ERC2: variants seen among roughly 807,000 people sequenced by gnomAD.
ERC2 encodes ELKS/RAB6-interacting/CAST family member 2.
Under a neutral mutation model 114.8 loss-of-function variants are expected in ERC2, and 42 were observed. That is an observed-to-expected ratio of 0.37 (90% CI 0.29 to 0.47). The LOEUF (loss-of-function observed/expected upper bound fraction) is 0.47, where lower values mean the gene tolerates loss of function less well. Ranked by LOEUF, ERC2 falls within the 20% of genes least tolerant of loss-of-function variation. The probability of loss-of-function intolerance (pLI) is 0.99; values close to 1 mark genes in which losing one functional copy is unlikely to be tolerated. For missense variants in ERC2, 939 were observed against 1,150.7 expected (o/e 0.82, Z 2.66); for synonymous variants, 454 against 425.5 (o/e 1.07, Z -0.82).
intron 14 of ERC2, among the ~76,000 whole-genome samples, chr3:55,829,344 G>T (rs1384599444): frequency 1.3e-5 from 2 of 151,908 alleles, no homozygotes; most frequent in African/African-American, 2.4e-5. Context: ...GAAATAAAAA[G>T]AAAATATACA....
chr3:56,241,192 CAACAAGAAAA>C (rs2051298111), intron 3 of ERC2, among the ~76,000 whole-genome samples: 1 of 151,808 alleles, frequency 6.6e-6, no homozygotes, highest in African/African-American at 2.4e-5. Context: ...GAACTCAACT[CAACAAGAAAA>C]AACAAAAACC....
chr3:56,435,271 G>T, intron 1 of ERC2, 124 bp from the exon 2 acceptor site: 5 of 281,194 alleles, frequency 1.8e-5, no homozygotes, highest in African/African-American at 2.2e-5. Flanking sequence ...ATAATAGACA[G>T]ATAGAAAGAG....
intron 8 of ERC2, among the ~76,000 whole-genome samples, chr3:56,016,908 A>T (rs1415633999): frequency 1.3e-5 from 2 of 152,084 alleles, no homozygotes; most frequent in Non-Finnish European, 2.9e-5. Flanking sequence ...AATATAGGAG[A>T]TAATGCTATT....
intron 14 of ERC2, among the ~76,000 whole-genome samples, chr3:55,848,610 G>A (rs115054575): frequency 0.015 from 2,280 of 152,150 alleles, 51 homozygotes; most frequent in African/African-American, 0.052. Context: ...TGCTTGCTCC[G>A]AGGATGACTC....
At chr3:56,213,989 C>T (rs1291902451) in intron 3 of ERC2, among the ~76,000 whole-genome samples, 1 of 152,142 alleles carries the variant, frequency 6.6e-6, no homozygotes, top group African/African-American at 2.4e-5. Flanking sequence ...ACATCCACAC[C>T]AAAACCCCAT....
At chr3:55,926,832 G>A (rs935776424) in intron 13 of ERC2, among the ~76,000 whole-genome samples, 3 of 152,106 alleles carry the variant, frequency 2.0e-5, no homozygotes, top group African/African-American at 7.2e-5. Flanking sequence ...CTATGAAGAT[G>A]GGGGTCATGT....
chr3:55,877,515 CTT>C (rs369593635), intron 14 of ERC2, among the ~76,000 whole-genome samples: 123 of 140,568 alleles, frequency 8.8e-4, no homozygotes, highest in Middle Eastern at 3.6e-3. Context: ...TTTATTTTTT[CTT>C]TTTTTTTTTT....
At chr3:55,594,404 G>T (rs536941977) in intron 17 of ERC2, among the ~76,000 whole-genome samples, 49 of 152,212 alleles carry the variant, frequency 3.2e-4, no homozygotes, top group African/African-American at 1.2e-3. Flanking sequence ...ACAGAATTTT[G>T]CTAAGAAAGA....
At chr3:55,976,653 G>A (rs1576426312) in intron 12 of ERC2, among the ~76,000 whole-genome samples, 1 of 152,088 alleles carries the variant, frequency 6.6e-6, no homozygotes, top group Non-Finnish European at 1.5e-5. Flanking sequence ...GGGAAACTAC[G>A]TGAACTTAGA....
chr3:56,133,760 G>A (rs924026288), intron 6 of ERC2, among the ~76,000 whole-genome samples: 3 of 152,172 alleles, frequency 2.0e-5, no homozygotes, highest in Non-Finnish European at 4.4e-5. Flanking sequence ...AAGACACTCA[G>A]TAATAAAATT....
intron 4 of ERC2, among the ~76,000 whole-genome samples, chr3:56,159,367 C>G (rs1245697701): frequency 1.3e-5 from 2 of 152,162 alleles, no homozygotes; most frequent in African/African-American, 4.8e-5. Context: ...CTTCCCAGAA[C>G]AAATGTCAAC....
At chr3:55,548,275 C>G (rs1043597660) in intron 17 of ERC2, among the ~76,000 whole-genome samples, 2 of 152,222 alleles carry the variant, frequency 1.3e-5, no homozygotes, top group Non-Finnish European at 2.9e-5. Flanking sequence ...TTGAAAAGGA[C>G]CTAGTGCTCG....
intron 14 of ERC2, among the ~76,000 whole-genome samples, chr3:55,750,311 TTTCA>T (rs1382176863): frequency 6.6e-6 from 1 of 152,224 alleles, no homozygotes; most frequent in African/African-American, 2.4e-5. Flanking sequence ...AAGTACGTTG[TTTCA>T]TTTAGTCTGC....
chr3:56,184,827 G>A (rs2083491440), intron 3 of ERC2, among the ~76,000 whole-genome samples: 1 of 152,146 alleles, frequency 6.6e-6, no homozygotes, highest in Non-Finnish European at 1.5e-5. Context: ...GAGAGAGAAT[G>A]CAAAATAAGC....
chr3:55,949,553 GGTATTTCCTT>G (rs71928376), intron 13 of ERC2, among the ~76,000 whole-genome samples: 14,057 of 151,946 alleles, frequency 0.093, 885 homozygotes, highest in East Asian at 0.24. Context: ...CTCTATGCAA[GGTATTTCCTT>G]GTATTTCCTA....
intron 10 of ERC2, among the ~76,000 whole-genome samples, chr3:55,997,320 T>C (rs2071597109): frequency 6.6e-6 from 1 of 152,078 alleles, no homozygotes; most frequent in Non-Finnish European, 1.5e-5. Context: ...GGTGGTTTAA[T>C]GTCCATTGAC....
intron 3 of ERC2, among the ~76,000 whole-genome samples, chr3:56,252,593 A>G (rs1451110985): frequency 6.6e-6 from 1 of 151,968 alleles, no homozygotes; most frequent in Non-Finnish European, 1.5e-5. Context: ...CGTCTCTACT[A>G]AAAATGCAAA....
rs1559567330 is a variant in ERC2, at chr3:55,733,531, T to TC, written c.2712+1239_2712+1240insG. On this transcript the variant is annotated intron_variant, in intron 15 of 17. Coordinates refer to ENST00000288221, the MANE Select transcript of ERC2 (RefSeq NM_015576.3). ...TCTCATTCTCTCTGTCTCTCATTCT[T>TC]TCTCTCTCTCTCACACACACACACA... is the stretch of plus-strand genomic sequence containing the variant. 4.4e-3 allele frequency among the ~76,000 whole-genome samples: 259 copies of TC among 58,584 alleles called. 8 individuals are homozygous for TC. The highest frequency in any genetic ancestry group is 0.011 in the Admixed American group (80 of 7,110). 38.4% of individuals were successfully genotyped at this position (58,584 alleles called of 152,430 possible).
intron 3 of ERC2, among the ~76,000 whole-genome samples, chr3:56,281,090 C>T (rs1357692720): frequency 6.6e-6 from 1 of 152,160 alleles, no homozygotes; most frequent in African/African-American, 2.4e-5. Context: ...GTAATTCCTT[C>T]CCCAGTCATT....
Sources: allele counts gnomAD v4.1 joint callset (sites outside exome capture counted in the v4.1 genomes callset), GRCh38; gene constraint gnomAD v4.1.1; transcripts MANE v1.5; gene names NCBI Gene and HGNC (gene_info 2026-07-23, HGNC 2026-07-21).